The following KLF17 variants were observed in gnomAD, a reference collection of about 807,000 sequenced individuals.
KLF17 encodes KLF transcription factor 17, also known as Krueppel-like factor 17.
In KLF17, 31 loss-of-function variants were observed where a neutral mutation model predicts 34.2. The ratio of observed to expected loss-of-function variants is 0.91; its 90% CI spans 0.68 to 1.22. KLF17 has a LOEUF of 1.22. KLF17 is among the 50% of genes most tolerant of loss of function. The pLI, the probability that KLF17 is intolerant of heterozygous loss-of-function variation, is 0.00. For synonymous variants in KLF17, 179 were observed against 186.7 expected, an observed-to-expected ratio of 0.96 and a Z score of 0.34; for missense variants, 478 against 505.2, an observed-to-expected ratio of 0.95 and a Z score of 0.52.
the KLF17 span, chr1:44,045,040 A>T: frequency 6.6e-6 from 1 of 152,126 alleles, no homozygotes; most frequent in Non-Finnish European, 1.5e-5. Context: ...AATCCTGAAG[A>T]ATGGCTCTGC....
chr1:44,055,414 C>A, the KLF17 span, among the ~76,000 whole-genome samples: 2 of 152,190 alleles, frequency 1.3e-5, no homozygotes, highest in African/African-American at 4.8e-5. Flanking sequence ...CCCTTGGTTG[C>A]ACCCTGGAAG....
In KLF17 at chr1:44,131,331, A is replaced by G. The variant is rs1392220860; in HGVS notation, c.*575A>G. ...GAGCACAGTAGAGACTGGGAGCTTCATTAAAATGCTCTTTATTTCTTGTCG... is the reference window on the plus strand; with the variant it reads ...GAGCACAGTAGAGACTGGGAGCTTCGTTAAAATGCTCTTTATTTCTTGTCG... On this transcript the variant is annotated intron_variant, in intron 3 of 3. Transcript: ENST00000372299. Among the ~76,000 whole-genome samples, 8 of 152,264 alleles carry G rather than the reference A, an allele frequency of 5.3e-5. No homozygotes were observed. In the East Asian group the frequency reaches 9.6e-4, roughly 18 times the overall value.
the KLF17 span, among the ~76,000 whole-genome samples, chr1:44,047,370 G>A: frequency 6.6e-6 from 1 of 152,204 alleles, no homozygotes; most frequent in Non-Finnish European, 1.5e-5. Flanking sequence ...CGTAAGCACT[G>A]GTCCTGGGGT....
chr1:44,069,349 G>A, the KLF17 span, among the ~76,000 whole-genome samples: 1 of 152,170 alleles, frequency 6.6e-6, no homozygotes, highest in Non-Finnish European at 1.5e-5. This position sits in a 1 kb window ranked among gnomAD's most constrained non-coding sequence, Gnocchi z 4.7. Context: ...AACTAATAAA[G>A]AAAAGAGGTT....
chr1:44,116,675 C>G (rs142635410), upstream of KLF17, among the ~76,000 whole-genome samples: 4 of 152,336 alleles, frequency 2.6e-5, no homozygotes, highest in African/African-American at 9.6e-5. Flanking sequence ...CCAGTAGTCA[C>G]TTACCTGTTT....
intron 1 of KLF17, among the ~76,000 whole-genome samples, chr1:44,125,801 G>T (rs1160126591): frequency 6.6e-6 from 1 of 151,696 alleles, no homozygotes; most frequent in Non-Finnish European, 1.5e-5. Flanking sequence ...CTTGGTATAG[G>T]TCTGTGAGTT....
chr1:44,057,272 A>G, the KLF17 span, among the ~76,000 whole-genome samples: 2 of 152,198 alleles, frequency 1.3e-5, no homozygotes, highest in Non-Finnish European at 2.9e-5. Flanking sequence ...CAGTCAATAT[A>G]CTTACTAATT....
chr1:44,058,624 A>G, the KLF17 span, among the ~76,000 whole-genome samples: 1 of 148,184 alleles, frequency 6.7e-6, no homozygotes, highest in Non-Finnish European at 1.5e-5. Flanking sequence ...ATGACTCCAA[A>G]GGAACAGTAA....
chr1:44,078,434 C>CTTTTTTTTTTTTT, the KLF17 span, among the ~76,000 whole-genome samples: 1 of 122,034 alleles, frequency 8.2e-6, no homozygotes. Flanking sequence ...GCTTTTCCTT[C>CTTTTTTTTTTTTT]TTCTTTTTTT....
chr1:44,110,251 A>C, the KLF17 span: 1 of 152,160 alleles, frequency 6.6e-6, no homozygotes, highest in African/African-American at 2.4e-5. Flanking sequence ...CATGAAAATG[A>C]CCCAAAGGTT....
At chr1:44,073,854 T>TC in the KLF17 span, among the ~76,000 whole-genome samples, 1 of 152,196 alleles carries the variant, frequency 6.6e-6, no homozygotes, top group Non-Finnish European at 1.5e-5. Flanking sequence ...TACTTTTTTT[T>TC]CTCCTTTACT....
At chr1:44,109,857 A>G in the KLF17 span, among the ~76,000 whole-genome samples, 1 of 151,528 alleles carries the variant, frequency 6.6e-6, no homozygotes, top group African/African-American at 2.4e-5. Flanking sequence ...AAGAATATAT[A>G]ATATGACCCC....
the KLF17 span, among the ~76,000 whole-genome samples, chr1:44,047,731 T>C: frequency 3.6e-4 from 55 of 152,272 alleles, no homozygotes; most frequent in African/African-American, 1.2e-3. Context: ...ACCTATTTCC[T>C]TCTTAGGTGC....
At chr1:44,071,332 C>T in the KLF17 span, among the ~76,000 whole-genome samples, 1 of 152,188 alleles carries the variant, frequency 6.6e-6, no homozygotes, top group Non-Finnish European at 1.5e-5. Context: ...TGGTTTCAGT[C>T]ACAGTCTACA....
the KLF17 span, chr1:44,076,708 A>G: frequency 6.6e-6 from 1 of 150,494 alleles, no homozygotes; most frequent in Non-Finnish European, 1.5e-5. Context: ...TAATTTTTCT[A>G]TTGGGTTGTC....
chr1:44,058,965 A>C, the KLF17 span, among the ~76,000 whole-genome samples: 1 of 152,128 alleles, frequency 6.6e-6, no homozygotes, highest in Non-Finnish European at 1.5e-5. Flanking sequence ...TAGTCTTAGT[A>C]AAAACTTGGA....
At chr1:44,128,726 G>A (rs1448670117) in intron 1 of KLF17, among the ~76,000 whole-genome samples, 1 of 152,074 alleles carries the variant, frequency 6.6e-6, no homozygotes, top group East Asian at 1.9e-4. Context: ...ATAATTTGGA[G>A]TTTGGGCCAG....
chr1:44,067,325 G>C, the KLF17 span, among the ~76,000 whole-genome samples: 1 of 152,260 alleles, frequency 6.6e-6, no homozygotes, highest in East Asian at 1.9e-4. Context: ...GTATCACAAG[G>C]TATTAGGTAC....
chr1:44,052,833 T>A, the KLF17 span, among the ~76,000 whole-genome samples: 2 of 151,814 alleles, frequency 1.3e-5, no homozygotes, highest in Non-Finnish European at 2.9e-5. Flanking sequence ...AAAGAAAAAA[T>A]TTATTTTCTG....
Sources: gnomAD v4.1 joint callset for allele counts (sites outside exome capture counted in the v4.1 genomes callset) on GRCh38, gnomAD v4.1.1 for gene constraint, Gnocchi (gnomAD v3.1) non-coding constraint, MANE v1.5 for transcripts, NCBI Gene and HGNC (gene_info 2026-07-23, HGNC 2026-07-21) for gene names.